KLF12: variants seen among roughly 807,000 people sequenced by gnomAD.
The protein encoded by KLF12 is Krueppel-like factor 12.
Under a neutral mutation model 37.8 loss-of-function variants are expected in KLF12, and 9 were observed. The observed-to-expected ratio is 0.24, with a 90% CI of 0.14 to 0.42. The LOEUF (loss-of-function observed/expected upper bound fraction) is 0.42, where lower values mean the gene tolerates loss of function less well. Ranked by LOEUF, KLF12 falls within the 10% of genes least tolerant of loss-of-function variation. The probability of loss-of-function intolerance (pLI) is 1.00; values close to 1 mark genes in which losing one functional copy is unlikely to be tolerated. For missense variants in KLF12, 411 were observed against 516.0 expected, an observed-to-expected ratio of 0.80 and a Z score of 1.97; for synonymous variants, 208 against 202.1, an observed-to-expected ratio of 1.03 and a Z score of -0.25.
rs540965053 is a variant in KLF12, at chr13:73,994,862, T to C, written c.33+128A>G. On this transcript the variant is annotated intron_variant, in intron 2 of 7. Transcript: ENST00000377669. Reference sequence around the variant, plus strand: ...AAAAATTACATTTTACAGATAGATATGCACATGTAAGTACTGACCTCTGTC... The same window carrying C: ...AAAAATTACATTTTACAGATAGATACGCACATGTAAGTACTGACCTCTGTC... The C allele has an allele frequency of 1.7e-5, 11 of 665,064 alleles. No homozygotes were observed. The African/African-American group carries it at 1.7e-4, about 10-fold the overall frequency. 41.2% of individuals were successfully genotyped at this position (665,064 alleles called of 1,614,324 possible).
At chr13:74,148,384 A>C in the KLF12 span, among the ~76,000 whole-genome samples, 1 of 150,554 alleles carries the variant, frequency 6.6e-6, no homozygotes, top group Non-Finnish European at 1.5e-5. Context: ...TGTCACAATG[A>C]AAGTCTGCCA....
chr13:73,756,909 C>T (rs1479141064), intron 6 of KLF12, among the ~76,000 whole-genome samples: 3 of 152,156 alleles, frequency 2.0e-5, no homozygotes, highest in Non-Finnish European at 4.4e-5. Context: ...TCCTGTGTTT[C>T]CTGAGGCCCA....
intron 6 of KLF12, among the ~76,000 whole-genome samples, chr13:73,760,760 C>T (rs759466537): frequency 2.0e-5 from 3 of 152,108 alleles, no homozygotes; most frequent in Admixed American, 6.5e-5. Flanking sequence ...CAATCACTAC[C>T]GCCACCATTA....
chr13:73,999,392 T>C (rs1263758193), intron 1 of KLF12, among the ~76,000 whole-genome samples: 1 of 152,154 alleles, frequency 6.6e-6, no homozygotes. Context: ...GGACATATTT[T>C]ATAATTACAC....
At chr13:73,857,439 T>C (rs1270608921) in intron 3 of KLF12, among the ~76,000 whole-genome samples, 2 of 152,348 alleles carry the variant, frequency 1.3e-5, no homozygotes, top group African/African-American at 2.4e-5. Context: ...AAACTTCATA[T>C]GTTAAAATTT....
At chr13:73,788,961 A>G (rs1326642312) in intron 5 of KLF12, among the ~76,000 whole-genome samples, 2 of 152,204 alleles carry the variant, frequency 1.3e-5, no homozygotes, top group Admixed American at 6.5e-5. Flanking sequence ...CTTTGTGTAC[A>G]TTTCAAAATA....
chr13:73,712,166 C>T (rs1400296062), intron 7 of KLF12, among the ~76,000 whole-genome samples: 1 of 151,910 alleles, frequency 6.6e-6, no homozygotes, highest in Non-Finnish European at 1.5e-5. Flanking sequence ...TGAAGAAACC[C>T]TGTCTCTACT....
At chr13:73,716,436 A>G (rs1406231050) in intron 6 of KLF12, among the ~76,000 whole-genome samples, 4 of 152,206 alleles carry the variant, frequency 2.6e-5, no homozygotes, top group Non-Finnish European at 5.9e-5. Context: ...ATATTTTGAC[A>G]TATTTTCTTC....
intron 5 of KLF12, among the ~76,000 whole-genome samples, chr13:73,796,292 TC>T (rs1300084319): frequency 2.6e-5 from 4 of 152,170 alleles, no homozygotes; most frequent in Non-Finnish European, 5.9e-5. Context: ...GACAATTCCT[TC>T]CTATTAACCT....
At chr13:74,076,415 T>C (rs538114383) in intron 1 of KLF12, among the ~76,000 whole-genome samples, 1 of 152,244 alleles carries the variant, frequency 6.6e-6, no homozygotes, top group East Asian at 1.9e-4. Flanking sequence ...TGAGGGGTGT[T>C]CTCTGCTTCC....
chr13:73,889,125 C>A (rs1389128467), intron 3 of KLF12, among the ~76,000 whole-genome samples: 1 of 152,112 alleles, frequency 6.6e-6, no homozygotes, highest in Non-Finnish European at 1.5e-5. Flanking sequence ...AGTGTGTGTG[C>A]CTCTCTCCTT....
chr13:73,801,505 A>G (rs1248575380), intron 5 of KLF12: 1 of 152,126 alleles, frequency 6.6e-6, no homozygotes, highest in Non-Finnish European at 1.5e-5. Context: ...GTCAACACAC[A>G]TCAAAAATGC....
intron 6 of KLF12, among the ~76,000 whole-genome samples, chr13:73,730,205 G>T (rs1876963851): frequency 6.6e-6 from 1 of 152,138 alleles, no homozygotes; most frequent in Non-Finnish European, 1.5e-5. Context: ...CCTCTGTGCT[G>T]CTCACTGGTC....
At chr13:74,054,771 T>C (rs1873144475) in intron 1 of KLF12, among the ~76,000 whole-genome samples, 1 of 152,234 alleles carries the variant, frequency 6.6e-6, no homozygotes, top group Admixed American at 6.5e-5. Flanking sequence ...TTTCCATTCT[T>C]GATAGAATTG....
intron 3 of KLF12, among the ~76,000 whole-genome samples, chr13:73,846,719 A>T (rs572621514): frequency 6.6e-5 from 10 of 152,312 alleles, no homozygotes; most frequent in African/African-American, 2.2e-4. Flanking sequence ...ATACGGAAAC[A>T]TATTACCTGG....
the KLF12 span, among the ~76,000 whole-genome samples, chr13:74,279,377 G>A: frequency 6.6e-6 from 1 of 152,106 alleles, no homozygotes; most frequent in Non-Finnish European, 1.5e-5. Context: ...CTAAATGGAA[G>A]AAATGTTATG....
At chr13:74,258,154 ACTGTGTTTGTGTGTGTGTGT>A in the KLF12 span, 8 of 127,588 alleles carry the variant, frequency 6.3e-5, no homozygotes, top group African/African-American at 1.4e-4. Context: ...TTGGTCTATT[ACTGTGTTTGTGTGTGTGTGT>A]GTGTGTGTGT....
intron 2 of KLF12, among the ~76,000 whole-genome samples, chr13:73,945,073 T>C (rs1890357606): frequency 6.6e-6 from 1 of 152,216 alleles, no homozygotes; most frequent in South Asian, 2.1e-4. Context: ...AAAATCAGTT[T>C]CTAAATATTT....
intron 1 of KLF12, among the ~76,000 whole-genome samples, chr13:74,106,530 A>G (rs1278692842): frequency 3.9e-5 from 6 of 152,218 alleles, no homozygotes; most frequent in Non-Finnish European, 1.5e-5. Context: ...CAAAATATTC[A>G]TCTTATTGCT....
Sources: gnomAD v4.1 joint callset for allele counts (sites outside exome capture counted in the v4.1 genomes callset) on GRCh38, gnomAD v4.1.1 for gene constraint, MANE v1.5 for transcripts, NCBI Gene and HGNC (gene_info 2026-07-23, HGNC 2026-07-21) for gene names.